The following IGF1R variants were observed in gnomAD, a reference collection of about 807,000 sequenced individuals.
IGF1R encodes insulin-like growth factor 1 receptor.
IGF1R carries 44 observed loss-of-function variants against 144.6 expected under a neutral mutation model. The ratio of observed to expected loss-of-function variants is 0.30; its 90% CI spans 0.24 to 0.39. The LOEUF (loss-of-function observed/expected upper bound fraction) is 0.39. IGF1R is among the 10% of genes least tolerant of loss of function. The pLI is 1.00. For synonymous variants in IGF1R, 795 were observed against 722.8 expected (o/e 1.10, Z -1.60); for missense variants, 1,355 against 1,833.7 (o/e 0.74, Z 4.77).
intron 1 of IGF1R, among the ~76,000 whole-genome samples, chr15:98,683,800 G>T (rs751335307): frequency 6.6e-6 from 1 of 152,296 alleles, no homozygotes; most frequent in East Asian, 1.9e-4. Context: ...GGGCACAAAG[G>T]CGTGGATATT....
At chr15:98,940,753 G>A (rs2016336114) in intron 18 of IGF1R, among the ~76,000 whole-genome samples, 1 of 152,202 alleles carries the variant, frequency 6.6e-6, no homozygotes, top group Non-Finnish European at 1.5e-5. Flanking sequence ...TTACTCTGTA[G>A]GAGCTAGAGG....
At chr15:98,649,930 C>T (rs896375016) in intron 1 of IGF1R, among the ~76,000 whole-genome samples, 7 of 152,180 alleles carry the variant, frequency 4.6e-5, no homozygotes, top group African/African-American at 1.2e-4. Flanking sequence ...TTTCTCCGTC[C>T]TGACAGCCCA....
chr15:98,738,573 G>GTATT (rs1461001577), intron 2 of IGF1R, among the ~76,000 whole-genome samples: 4 of 152,206 alleles, frequency 2.6e-5, no homozygotes, highest in Non-Finnish European at 5.9e-5. Context: ...TTTTAGTCCT[G>GTATT]ACTTGTGTAT....
At chr15:98,865,569 G>T (rs1239697169) in intron 2 of IGF1R, among the ~76,000 whole-genome samples, 1 of 152,218 alleles carries the variant, frequency 6.6e-6, no homozygotes, top group Admixed American at 6.5e-5. Context: ...AAAAGGGAGT[G>T]GGGCCCGGGC....
intron 2 of IGF1R, among the ~76,000 whole-genome samples, chr15:98,828,341 A>G (rs1006769450): frequency 2.0e-5 from 3 of 152,160 alleles, no homozygotes; most frequent in Non-Finnish European, 2.9e-5. Context: ...AGCCACTGCA[A>G]GCCCTCTGCC....
At chr15:98,857,810 T>C (rs553930087) in intron 2 of IGF1R, among the ~76,000 whole-genome samples, 2 of 152,224 alleles carry the variant, frequency 1.3e-5, no homozygotes, top group Admixed American at 6.5e-5. Context: ...CAAAATTCTT[T>C]CCTCTTAAAA....
chr15:98,755,279 T>C lies in IGF1R; in HGVS notation c.640+47172T>C, dbSNP rs45477594. On this transcript the variant is annotated intron_variant, in intron 2 of 20. Transcript: ENST00000650285. ...GCGGAGTTTGAAACGAGTTAAAATT[T>C]CAGCAGTTCACAAAATGGATGATTC... 1.9e-3 allele frequency among the ~76,000 whole-genome samples: 286 copies of C among 152,280 alleles called. 6 individuals are homozygous for C. In the East Asian group the frequency reaches 0.048, roughly 26 times the overall value.
At chr15:98,916,513 C>T (rs1567197057) in intron 9 of IGF1R, 159 bp from the exon 10 acceptor site, 13 of 725,586 alleles carry the variant, frequency 1.8e-5, no homozygotes, top group Admixed American at 4.2e-5. Flanking sequence ...TTGCCCGCCT[C>T]GGCCTCCCAA....
chr15:98,706,012 T>G (rs2053853057), intron 1 of IGF1R, among the ~76,000 whole-genome samples: 1 of 152,230 alleles, frequency 6.6e-6, no homozygotes, highest in Admixed American at 6.5e-5. Flanking sequence ...TAGGCACCCT[T>G]TGGGAGCCGG....
intron 2 of IGF1R, among the ~76,000 whole-genome samples, chr15:98,754,837 A>G (rs949348044): frequency 1.3e-5 from 2 of 152,168 alleles, no homozygotes; most frequent in African/African-American, 2.4e-5. Flanking sequence ...GAGACTAAAG[A>G]ACTTGCTACT....
chr15:98,810,674 A>G (rs978148487), intron 2 of IGF1R, among the ~76,000 whole-genome samples: 5 of 150,564 alleles, frequency 3.3e-5, no homozygotes, highest in Non-Finnish European at 5.9e-5. Flanking sequence ...TCAACCTCCC[A>G]AGTAGCTGGG....
At chr15:98,871,752 A>G (rs998724004) in intron 2 of IGF1R, among the ~76,000 whole-genome samples, 1 of 152,226 alleles carries the variant, frequency 6.6e-6, no homozygotes, top group Non-Finnish European at 1.5e-5. Flanking sequence ...CAGCAAGGGA[A>G]AAACCCACCC....
At chr15:98,797,760 C>T (rs1327993120) in intron 2 of IGF1R, among the ~76,000 whole-genome samples, 1 of 152,188 alleles carries the variant, frequency 6.6e-6, no homozygotes, top group Non-Finnish European at 1.5e-5. Context: ...GTTACAGAGA[C>T]AAAGCCAACT....
intron 2 of IGF1R, among the ~76,000 whole-genome samples, chr15:98,797,280 C>T (rs1023869452): frequency 3.9e-5 from 6 of 152,136 alleles, no homozygotes; most frequent in African/African-American, 9.7e-5. Context: ...GGCTGCAGCC[C>T]GAGCCCCGTT....
At chr15:98,843,171 G>A (rs1450257821) in intron 2 of IGF1R, among the ~76,000 whole-genome samples, 2 of 152,144 alleles carry the variant, frequency 1.3e-5, no homozygotes, top group Admixed American at 1.3e-4. Context: ...AACCTGCTGT[G>A]CTACAATCCT....
chr15:98,739,092 G>A (rs191437631), intron 2 of IGF1R, among the ~76,000 whole-genome samples: 21 of 152,322 alleles, frequency 1.4e-4, no homozygotes, highest in African/African-American at 4.6e-4. Context: ...GAAACAGTGT[G>A]TTCACTATTT....
At chr15:98,664,056 C>A (rs567455238) in intron 1 of IGF1R, among the ~76,000 whole-genome samples, 52 of 152,344 alleles carry the variant, frequency 3.4e-4, no homozygotes, top group African/African-American at 1.2e-3. Context: ...CATTAAAAAA[C>A]ACAGTTCTGC....
Position 98,891,337 on chromosome 15 carries a change from C to T in IGF1R, c.653C>T (p.Thr218Met), listed in dbSNP as rs773552392. Residue 218 changes from threonine to methionine, a missense_variant, in exon 3 of 21, where the codon ACG (threonine) becomes ATG (methionine). Coordinates refer to ENST00000650285, the MANE Select transcript of IGF1R (RefSeq NM_000875.5). The surrounding 1 kb of genome is among the most constrained non-coding windows in gnomAD (Gnocchi z 4.7). Reference protein sequence around the residue: ...TNRCQKMCPSTCGKRACTENN... With the variant: ...TNRCQKMCPSMCGKRACTENN... The stretch of plus-strand genomic sequence containing the variant: ...TCTCTCTCCACAGTGTGCCCAAGCA[C>T]GTGTGGGAAGCGGGCGTGCACCGAG... 6.2e-6 allele frequency: 10 copies of T among 1,606,238 alleles called. No individual in the cohort carries two copies. Among genetic ancestry groups the T allele is most frequent in the South Asian group, 1.1e-5 (1 of 91,000 alleles).
intron 2 of IGF1R, among the ~76,000 whole-genome samples, chr15:98,721,174 G>GC (rs1168601480): frequency 1.3e-5 from 2 of 152,116 alleles, no homozygotes; most frequent in East Asian, 1.9e-4. Context: ...CTTCCATGAA[G>GC]CCCCCCAAAT....
Sources: gnomAD v4.1 joint callset for allele counts (sites outside exome capture counted in the v4.1 genomes callset) on GRCh38, gnomAD v4.1.1 for gene constraint, Gnocchi (gnomAD v3.1) non-coding constraint, MANE v1.5 for transcripts, NCBI Gene and HGNC (gene_info 2026-07-23, HGNC 2026-07-21) for gene names.